The following ADRA1D variants were observed in gnomAD, a reference collection of about 807,000 sequenced individuals.
ADRA1D encodes adrenoceptor alpha 1D.
A neutral mutation model predicts 18.6 loss-of-function variants in ADRA1D; 22 were observed. The observed-to-expected ratio is 1.19, with a 90% CI of 0.85 to 1.69. The LOEUF (loss-of-function observed/expected upper bound fraction) is 1.69, where lower values mean the gene tolerates loss of function less well. ADRA1D is among the 40% of genes most tolerant of loss of function. The pLI is 0.00. For synonymous variants in ADRA1D, 376 were observed against 388.2 expected, an observed-to-expected ratio of 0.97 and a Z score of 0.37; for missense variants, 840 against 840.7, an observed-to-expected ratio of 1.00 and a Z score of 0.01.
chr20:4,235,841 G>C (rs1981076665), intron 1 of ADRA1D, among the ~76,000 whole-genome samples: 1 of 152,342 alleles, frequency 6.6e-6, no homozygotes, highest in African/African-American at 2.4e-5. Flanking sequence ...GTGGGGCTGG[G>C]GGGTGCACGG....
At chr20:4,238,638 T>G (rs2122671283) in intron 1 of ADRA1D, among the ~76,000 whole-genome samples, 1 of 152,326 alleles carries the variant, frequency 6.6e-6, no homozygotes, top group Admixed American at 6.5e-5. Flanking sequence ...AAAGTGTGAC[T>G]TTTCTACAGC....
At chr20:4,225,428 C>CTTTTTTTTTTTTTTTTTTTTTTTTT (rs11474446) in intron 1 of ADRA1D, among the ~76,000 whole-genome samples, 1 of 119,540 alleles carries the variant, frequency 8.4e-6, no homozygotes, top group East Asian at 2.4e-4. Context: ...TTTTTTCTTT[C>CTTTTTTTTTTTTTTTTTTTTTTTTT]TTTTTTTTTT....
rs1444119481 is a variant in ADRA1D at position 4,239,505 on chromosome 20, G to C, written c.1111+8342C>G. Among the ~76,000 whole-genome samples the C allele has an allele frequency of 6.6e-6, 1 of 152,222 alleles. No individual in the cohort carries two copies. The highest frequency in any genetic ancestry group is 2.4e-5 in the African/African-American group (1 of 41,452). ...AGTCATCTTCCATTGAAACAGACTA[G>C]GGCTCTTTAGGGAAATGGCTAATTC... is the stretch of plus-strand genomic sequence containing the variant. On this transcript the variant is annotated intron_variant, in intron 1 of 1. Coordinates refer to ENST00000379453, the MANE Select transcript of ADRA1D (RefSeq NM_000678.4). This position sits in a 1 kb window ranked among gnomAD's most constrained non-coding sequence, Gnocchi z 4.9.
intron 1 of ADRA1D, among the ~76,000 whole-genome samples, chr20:4,238,674 C>A (rs930992315): frequency 6.6e-6 from 1 of 152,194 alleles, no homozygotes; most frequent in Non-Finnish European, 1.5e-5. Context: ...CCCTGGTTTG[C>A]ACTAGCTTGC....
At chr20:4,234,354 C>T (rs1288220491) in intron 1 of ADRA1D, among the ~76,000 whole-genome samples, 2 of 152,200 alleles carry the variant, frequency 1.3e-5, no homozygotes, top group Non-Finnish European at 2.9e-5. Flanking sequence ...CCAGAAGGAA[C>T]TTGTTCTTGG....
At position 4,224,714 on chromosome 20, in the gene ADRA1D, TA is replaced by T. The variant is rs200260237; in HGVS notation, c.1112-2585del. Reference sequence around the variant, plus strand: ...CCTGTGAGACCAAGCAGGCCAGGGGTAGGGGGGGGTCCTTAACAAATTATGG... The same window carrying T: ...CCTGTGAGACCAAGCAGGCCAGGGGTGGGGGGGGTCCTTAACAAATTATGG... On this transcript the variant is annotated intron_variant, in intron 1 of 1. Transcript: ENST00000379453. Among the ~76,000 whole-genome samples, 150 of 135,620 alleles carry T rather than the reference TA, an allele frequency of 1.1e-3. 3 individuals carry two copies. Among genetic ancestry groups the T allele is most frequent in the Non-Finnish European group, 1.5e-3 (93 of 61,836 alleles). 89.0% of individuals were successfully genotyped at this position (135,620 alleles called of 152,430 possible). A position where few individuals can be genotyped will look rare whatever the true frequency, so the allele number is the denominator to read the frequency against.
intron 1 of ADRA1D, among the ~76,000 whole-genome samples, chr20:4,242,264 C>T (rs1981231028): frequency 6.6e-6 from 1 of 152,174 alleles, no homozygotes; most frequent in Non-Finnish European, 1.5e-5. Context: ...TTTCCTTGTA[C>T]CGTGGTCCAG....
At chr20:4,246,245 A>G (rs1981334653) in intron 1 of ADRA1D, among the ~76,000 whole-genome samples, 1 of 152,172 alleles carries the variant, frequency 6.6e-6, no homozygotes. Flanking sequence ...CTTCTGGGCC[A>G]GTCCCAGAAA....
At chr20:4,227,502 A>G (rs1414945591) in intron 1 of ADRA1D, among the ~76,000 whole-genome samples, 2 of 151,916 alleles carry the variant, frequency 1.3e-5, no homozygotes, top group African/African-American at 4.8e-5. Context: ...TACCTGATAC[A>G]TTCTTGGACT....
In ADRA1D at chr20:4,222,186, G is replaced by C; in HGVS notation, c.1112-56C>G. The C allele has an allele frequency of 6.3e-7, 1 of 1,576,438 alleles. No homozygotes were observed. On this transcript the variant is annotated intron_variant, in intron 1 of 1. Transcript: ENST00000379453. The surrounding 1 kb of genome is among the most constrained non-coding windows in gnomAD (Gnocchi z 4.3). ...CTGCTTGGGGAGGGGGAGGCCAGGC[G>C]GCTCTGGGCGCAAAGGGGAGACCCT...
intron 1 of ADRA1D, among the ~76,000 whole-genome samples, chr20:4,231,087 CTT>C (rs371623434): frequency 1.4e-3 from 49 of 35,056 alleles, no homozygotes; most frequent in East Asian, 5.2e-3. Flanking sequence ...TCTCTCTTTT[CTT>C]TTCTTTTCTT....
At chr20:4,223,687 C>T (rs1245954121) in intron 1 of ADRA1D, among the ~76,000 whole-genome samples, 1 of 152,132 alleles carries the variant, frequency 6.6e-6, no homozygotes, top group Non-Finnish European at 1.5e-5. Flanking sequence ...ACCCAAAGAA[C>T]CATCCTGTTT....
chr20:4,240,324 T>C (rs1268707376), intron 1 of ADRA1D, among the ~76,000 whole-genome samples: 1 of 151,970 alleles, frequency 6.6e-6, no homozygotes, highest in East Asian at 1.9e-4. Context: ...AACCAAAAAT[T>C]TACGAGGCAG....
intron 1 of ADRA1D, among the ~76,000 whole-genome samples, chr20:4,232,702 T>C (rs772628208): frequency 1.4e-4 from 21 of 152,216 alleles, no homozygotes; most frequent in South Asian, 4.1e-4. Context: ...CCAGGTGCTG[T>C]GTTGGCAGTC....
chr20:4,227,664 CTCCT>C (rs1267029945), intron 1 of ADRA1D, among the ~76,000 whole-genome samples: 31 of 104,166 alleles, frequency 3.0e-4, no homozygotes, highest in African/African-American at 7.1e-4. Flanking sequence ...CCTTCCTTCC[CTCCT>C]TCCTTCCTTC....
At chr20:4,242,156 A>T (rs1477678102) in intron 1 of ADRA1D, among the ~76,000 whole-genome samples, 1 of 152,226 alleles carries the variant, frequency 6.6e-6, no homozygotes, top group African/African-American at 2.4e-5. Flanking sequence ...TCTACACAGA[A>T]TCAAAAGGTG....
Position 4,247,844 on chromosome 20 carries a change from C to T in ADRA1D, c.1111+3G>A. On this transcript the variant is annotated splice_donor_region_variant and intron_variant, in intron 1 of 1. Coordinates refer to ENST00000379453, the MANE Select transcript of ADRA1D (RefSeq NM_000678.4). Reference sequence around the variant, plus strand: ...AGGGGCCGGTGGGAGAGGGGTCACTCACCGAGCGGCAGGACAAAGAAGAAA... The same window carrying T: ...AGGGGCCGGTGGGAGAGGGGTCACTTACCGAGCGGCAGGACAAAGAAGAAA... 1 of 1,531,924 alleles carries T rather than the reference C, an allele frequency of 6.5e-7. No individual in the cohort carries two copies. Among genetic ancestry groups the T allele is most frequent in the South Asian group, 1.3e-5 (1 of 77,270 alleles). The allele number at this position is 1,531,924 out of a possible 1,614,324, so 94.9% of individuals were successfully genotyped here.
Position 4,221,624 on chromosome 20 carries a change from C to T in ADRA1D, c.1618G>A (p.Glu540Lys), listed in dbSNP as rs763939098. ...EAACAQRSEV[E>K]AVSLGVPHEV... ...TGTGGGACGCCTAGGGACACAGCCTCCACCTCTGAGCGCTGGGCGCACGCT... is the reference window on the plus strand; with the variant it reads ...TGTGGGACGCCTAGGGACACAGCCTTCACCTCTGAGCGCTGGGCGCACGCT... Residue 540 changes from glutamate to lysine, a missense_variant, in exon 2 of 2, where the codon GAG (glutamate) becomes AAG (lysine). By Grantham distance (56) the Glu-to-Lys change is moderately conservative (BLOSUM62 1). Transcript: ENST00000379453. 9.9e-6 allele frequency: 16 copies of T among 1,613,498 alleles called. 1 individual carries two copies. In the South Asian group the frequency reaches 1.6e-4, roughly 17 times the overall value.
chr20:4,248,042 T>A lies in ADRA1D; in HGVS notation c.916A>T (p.Ile306Phe). Residue 306 changes from isoleucine to phenylalanine, a missense_variant, in exon 1 of 2, where the codon ATC becomes TTC. Physicochemically the swap from Ile to Phe is conservative, Grantham distance 21 (BLOSUM62 0). Transcript: ENST00000379453. ...CCCGTGGCCGCGCCGCGACAGTGGATGCGCAGCACCACCTCGGAGGCCTTG... is the reference window on the plus strand; with the variant it reads ...CCCGTGGCCGCGCCGCGACAGTGGAAGCGCAGCACCACCTCGGAGGCCTTG... ...RGKASEVVLRIHCRGAATGAD... is the reference protein window; with the variant it reads ...RGKASEVVLRFHCRGAATGAD... 4 of 1,551,328 alleles carry A rather than the reference T, an allele frequency of 2.6e-6. No individual in the cohort carries two copies. Among genetic ancestry groups the A allele is most frequent in the Non-Finnish European group, 2.6e-6 (3 of 1,147,982 alleles).
Sources: allele counts gnomAD v4.1 joint callset (sites outside exome capture counted in the v4.1 genomes callset), GRCh38; gene constraint gnomAD v4.1.1; non-coding constraint Gnocchi (gnomAD v3.1); transcripts MANE v1.5; gene names NCBI Gene and HGNC (gene_info 2026-07-23, HGNC 2026-07-21).